The following FBXO17 variants were observed in gnomAD, a reference collection of about 807,000 sequenced individuals.
The protein encoded by FBXO17 is F-box protein 17.
A neutral mutation model predicts 34.1 loss-of-function variants in FBXO17; 43 were observed. The observed-to-expected ratio is 1.26, with a 90% CI of 0.99 to 1.62. FBXO17 has a LOEUF of 1.62. Among genes scored for constraint, FBXO17 ranks in the 40% most tolerant of loss-of-function variants. The probability of loss-of-function intolerance (pLI) is 0.00; values close to 1 mark genes in which losing one functional copy is unlikely to be tolerated. For synonymous variants in FBXO17, 169 were observed against 166.0 expected (o/e 1.02, Z -0.14); for missense variants, 424 against 386.7 (o/e 1.10, Z -0.81).
rs142589191 is a variant in FBXO17, at chr19:38,941,581, T to G, written c.*1027A>C. 65 of 152,326 alleles carry G rather than the reference T, an allele frequency of 4.3e-4. No individual in the cohort carries two copies. The highest frequency in any genetic ancestry group is 1.5e-3 in the African/African-American group (63 of 41,580). 9.4% of individuals were successfully genotyped at this position (152,326 alleles called of 1,614,324 possible). ...GGATGGGCTGAAATAAAGGGATGGG[T>G]CTGGCTAGTTATCTGCAGCAGGAAC... On this transcript the variant is annotated 3_prime_UTR_variant, in exon 6 of 6. Coordinates refer to ENST00000292852, the MANE Select transcript of FBXO17 (RefSeq NM_024907.7).
At chr19:38,964,748 C>T (rs1435021012) in intron 1 of FBXO17, among the ~76,000 whole-genome samples, 4 of 151,794 alleles carry the variant, frequency 2.6e-5, no homozygotes, top group Non-Finnish European at 5.9e-5. Context: ...GCCTGGGTGA[C>T]AGAGTGAGAC....
In FBXO17 at chr19:38,974,573, A is replaced by G. The variant is rs1035339332; in HGVS notation, c.-18+1013T>C. Among the ~76,000 whole-genome samples the G allele has an allele frequency of 2.0e-5, 3 of 152,168 alleles. No homozygotes were observed. In the East Asian group the frequency reaches 5.8e-4, roughly 29 times the overall value. On this transcript the variant is annotated intron_variant, in intron 1 of 5. Coordinates refer to ENST00000292852, the MANE Select transcript of FBXO17 (RefSeq NM_024907.7). ...GAGGTGATTATATAGGGAGGAGGAA[A>G]ACCACGGAGATGATCAAAGTTGTCT... is the stretch of plus-strand genomic sequence containing the variant.
At chr19:38,974,197 T>G (rs1568447904) in intron 1 of FBXO17, among the ~76,000 whole-genome samples, 1 of 151,406 alleles carries the variant, frequency 6.6e-6, no homozygotes, top group Admixed American at 6.6e-5. Flanking sequence ...TTCTCCTTCC[T>G]CAGCCTCCTG....
At chr19:38,962,685 GTAT>G (rs780819597) in intron 1 of FBXO17, among the ~76,000 whole-genome samples, 11 of 151,842 alleles carry the variant, frequency 7.2e-5, no homozygotes, top group South Asian at 6.2e-4. Flanking sequence ...GCTGCTCCTT[GTAT>G]CTGCTATTTC....
At chr19:38,957,900 A>G (rs1975190514) in intron 1 of FBXO17, among the ~76,000 whole-genome samples, 1 of 151,976 alleles carries the variant, frequency 6.6e-6, no homozygotes, top group South Asian at 2.1e-4. Context: ...CCAGGAGTCC[A>G]AGACCAGCCT....
rs1489302341 is a variant in FBXO17, at chr19:38,948,548, T to TCTCACATGGGCCA, written c.461+18_461+19insTGGCCCATGTGAG. On this transcript the variant is annotated intron_variant, in intron 3 of 5. Coordinates refer to ENST00000292852, the MANE Select transcript of FBXO17 (RefSeq NM_024907.7). ...GGCCTTTGCCCCAGGGATCGGGGCCTCTCACTTGGGCCACTCACTCGAAAG... is the reference window on the plus strand; with the variant it reads ...GGCCTTTGCCCCAGGGATCGGGGCCTCTCACATGGGCCACTCACTTGGGCCACTCACTCGAAAG... The TCTCACATGGGCCA allele has an allele frequency of 6.2e-7, 1 of 1,603,914 alleles. No homozygotes were observed. The highest frequency in any genetic ancestry group is 1.1e-5 in the South Asian group (1 of 90,392).
At chr19:38,952,664 A>G in intron 1 of FBXO17, 2 of 532,960 alleles carry the variant, frequency 3.8e-6, no homozygotes, top group Non-Finnish European at 7.7e-6. Context: ...CGCTGCTCTT[A>G]GCATCATTCT....
chr19:38,956,283 AT>A (rs1975167013), intron 1 of FBXO17, among the ~76,000 whole-genome samples: 1 of 148,980 alleles, frequency 6.7e-6, no homozygotes, highest in Non-Finnish European at 1.5e-5. Flanking sequence ...AAAAAAAAAG[AT>A]GATGTCAGGA....
chr19:38,966,293 T>TG (rs1975319597), intron 1 of FBXO17, among the ~76,000 whole-genome samples: 1 of 142,942 alleles, frequency 7.0e-6, no homozygotes, highest in Non-Finnish European at 1.5e-5. Context: ...ATTAAAAATT[T>TG]TGTGTGTGTG....
At position 38,941,448 on chromosome 19, in the gene FBXO17, G is replaced by C. The variant is rs753626982; in HGVS notation, c.*1160C>G. 7.9e-5 allele frequency: 12 copies of C among 152,198 alleles called. No individual in the cohort carries two copies. The highest frequency in any genetic ancestry group is 1.6e-4 in the Non-Finnish European group (11 of 68,046). The allele number at this position is 152,198 out of a possible 1,614,324, so 9.4% of individuals were successfully genotyped here. On this transcript the variant is annotated 3_prime_UTR_variant, in exon 6 of 6. Transcript: ENST00000292852. The stretch of plus-strand genomic sequence containing the variant: ...GGGGTCTCACGGCCTTCAGAGCTGA[G>C]AGCCTTGAACAGAGATTTACCCACA...
chr19:38,970,502 C>T lies in FBXO17; in HGVS notation c.-18+5084G>A, dbSNP rs572076205. ...GGATTATAGGCGTGAGCCACCACGG[C>T]TGGCCCTTTCTCTCTTCGTGTGTGA... On this transcript the variant is annotated intron_variant, in intron 1 of 5. Coordinates refer to ENST00000292852, the MANE Select transcript of FBXO17 (RefSeq NM_024907.7). 7.9e-5 allele frequency among the ~76,000 whole-genome samples: 12 copies of T among 152,326 alleles called. No individual in the cohort carries two copies. The East Asian group carries it at 2.1e-3, about 27-fold the overall frequency.
At chr19:38,958,284 C>G (rs886183672) in intron 1 of FBXO17, among the ~76,000 whole-genome samples, 1 of 151,608 alleles carries the variant, frequency 6.6e-6, no homozygotes, top group East Asian at 1.9e-4. Context: ...GTGGCATGCT[C>G]CTGTAGTCCC....
In FBXO17 at chr19:38,950,132, A is replaced by G; in HGVS notation, c.188T>C (p.Leu63Pro). 1 of 1,561,436 alleles carries G rather than the reference A, an allele frequency of 6.4e-7. No individual in the cohort carries two copies. Among genetic ancestry groups the G allele is most frequent in the Non-Finnish European group, 8.6e-7 (1 of 1,157,618 alleles). ...GCCCTCGGCGCTGCGGTCGCGGGCCAGCTGCAGCAGCCACACAGTGGGCCC... is the reference window on the plus strand; with the variant it reads ...GCCCTCGGCGCTGCGGTCGCGGGCCGGCTGCAGCAGCCACACAGTGGGCCC... ...VDGPTVWLLQ[L>P]ARDRSAEGRA... The change falls in exon 2 of 6, where the codon CTG becomes CCG. Residue 63 changes from leucine (L) to proline (P), a missense_variant. Coordinates refer to ENST00000292852, the MANE Select transcript of FBXO17 (RefSeq NM_024907.7).
At chr19:38,974,368 G>A (rs940335346) in intron 1 of FBXO17, among the ~76,000 whole-genome samples, 116 of 152,142 alleles carry the variant, frequency 7.6e-4, no homozygotes, top group African/African-American at 2.5e-3. Context: ...GTGAGCCACC[G>A]CGCACGCCCG....
Position 38,946,547 on chromosome 19 carries a change from A to C in FBXO17, c.482T>G (p.Leu161Arg), listed in dbSNP as rs1265773092. ...CACCCCTTCCATCACCAGGTCCACA[A>C]GCTGCCTCTTGGAGCACCATCTGGG... ...TSFEWCSKRQ[L>R]VDLVMEGVWQ... The change falls in exon 4 of 6, where the codon CTT becomes CGT. Residue 161 changes from leucine to arginine, a missense_variant. Physicochemically the swap from Leu to Arg is moderately radical, Grantham distance 102 (BLOSUM62 -2). Coordinates refer to ENST00000292852, the MANE Select transcript of FBXO17 (RefSeq NM_024907.7). 1 of 1,614,018 alleles carries C rather than the reference A, an allele frequency of 6.2e-7. No homozygotes were observed.
chr19:38,948,909 C>T (rs1285516981), intron 2 of FBXO17, among the ~76,000 whole-genome samples: 1 of 152,188 alleles, frequency 6.6e-6, no homozygotes, highest in Admixed American at 6.5e-5. Context: ...CCCTTACTTG[C>T]TCTTTCTCCT....
At chr19:38,950,421 G>C in intron 1 of FBXO17, 85 bp from the exon 2 acceptor site, 1 of 1,378,128 alleles carries the variant, frequency 7.3e-7, no homozygotes, top group Non-Finnish European at 9.3e-7. Flanking sequence ...CAAGGCCCCT[G>C]CTGCTCGAGA....
chr19:38,954,569 C>T (rs1040726812), intron 1 of FBXO17, among the ~76,000 whole-genome samples: 4 of 134,414 alleles, frequency 3.0e-5, no homozygotes, highest in South Asian at 2.4e-4. Context: ...TGCGCCGGGC[C>T]GAGAATGTGT....
Position 38,950,154 on chromosome 19 carries a change from G to C in FBXO17, c.166C>G (p.Pro56Ala), listed in dbSNP as rs1423709128. The change falls in exon 2 of 6, where the codon CCC (proline) becomes GCC (alanine). Residue 56 changes from proline to alanine, a missense_variant. Pro to Ala is a conservative substitution (Grantham distance 27). Transcript: ENST00000292852. ...GCCAGCTGCAGCAGCCACACAGTGG[G>C]CCCGTCCACTATGTCGCGCCAGGCG... is the stretch of plus-strand genomic sequence containing the variant. ...CRAWRDIVDG[P>A]TVWLLQLARD... 1 of 1,561,934 alleles carries C rather than the reference G, an allele frequency of 6.4e-7. No individual in the cohort carries two copies. Among genetic ancestry groups the C allele is most frequent in the Non-Finnish European group, 8.6e-7 (1 of 1,158,990 alleles).
Sources: gnomAD v4.1 joint callset for allele counts (sites outside exome capture counted in the v4.1 genomes callset) on GRCh38, gnomAD v4.1.1 for gene constraint, MANE v1.5 for transcripts, NCBI Gene and HGNC (gene_info 2026-07-23, HGNC 2026-07-21) for gene names.